TMEM131: variants seen among roughly 807,000 people sequenced by gnomAD.
The protein encoded by TMEM131 is 2610524E03Rik.
Under a neutral mutation model 211.6 loss-of-function variants are expected in TMEM131, and 66 were observed. The observed-to-expected ratio is 0.31, with a 90% CI of 0.26 to 0.38. TMEM131 has a LOEUF of 0.38. Among genes scored for constraint, TMEM131 ranks in the 10% least tolerant of loss-of-function variants. The pLI, the probability that TMEM131 is intolerant of heterozygous loss-of-function variation, is 1.00. For missense variants in TMEM131, 2,036 were observed against 2,299.3 expected, an observed-to-expected ratio of 0.89 and a Z score of 2.34; for synonymous variants, 844 against 841.3, an observed-to-expected ratio of 1.00 and a Z score of -0.06.
Position 97,796,892 on chromosome 2 carries a change from A to T in TMEM131, c.2965T>A (p.Ser989Thr). Reference protein sequence around the residue: ...VAGKLPGPGSSLRFKITEALL... With the variant: ...VAGKLPGPGSTLRFKITEALL... The stretch of plus-strand genomic sequence containing the variant: ...GCTTCCGTGATTTTAAAGCGTAAGG[A>T]GCTTCCTGGACCTGGAAGCTTGCCT... Residue 989 changes from serine to threonine, a missense_variant, in exon 27 of 41, where the codon TCC becomes ACC. Physicochemically the swap from Ser to Thr is moderately conservative, Grantham distance 58. Around this residue, in one of 3 missense-constraint regions of TMEM131, gnomAD observed 1,623 missense variants for 1,805.9 expected, o/e 0.90. Transcript: ENST00000186436. 6.2e-7 allele frequency: 1 copy of T among 1,613,984 alleles called. No individual in the cohort carries two copies. Among genetic ancestry groups the T allele is most frequent in the Non-Finnish European group, 8.5e-7 (1 of 1,179,868 alleles).
chr2:97,965,169 G>A (rs576595345), intron 1 of TMEM131, among the ~76,000 whole-genome samples: 2 of 152,242 alleles, frequency 1.3e-5, no homozygotes, highest in African/African-American at 4.8e-5. Context: ...TTCAGTCCCG[G>A]TAAGTTAAAG....
In TMEM131 at chr2:97,910,525, C is replaced by G. The variant is rs1430570603; in HGVS notation, c.250-1827G>C. Among the ~76,000 whole-genome samples the G allele has an allele frequency of 2.0e-5, 3 of 152,168 alleles. No individual in the cohort carries two copies. The East Asian group carries it at 5.8e-4, about 29-fold the overall frequency. ...ACAGATAAACAAAATGTGATTTATA[C>G]ATACAAGGGAATACGATCCAGTCTT... On this transcript the variant is annotated intron_variant, in intron 2 of 40. Coordinates refer to ENST00000186436, the MANE Select transcript of TMEM131 (RefSeq NM_015348.2).
At chr2:97,785,593 A>G (rs1680212527) in intron 31 of TMEM131, among the ~76,000 whole-genome samples, 1 of 152,232 alleles carries the variant, frequency 6.6e-6, no homozygotes, top group South Asian at 2.1e-4. Context: ...CAGTCATTAG[A>G]GAAAACGTTT....
chr2:97,814,078 G>A lies in TMEM131; in HGVS notation c.1510C>T (p.Leu504Phe), dbSNP rs776617835. Residue 504 changes from leucine to phenylalanine, a missense_variant, in exon 15 of 41, where the codon CTT becomes TTT. This residue lies in a region of TMEM131 where 1,623 missense variants were observed against 1,805.9 expected (regional missense o/e 0.90). Coordinates refer to ENST00000186436, the MANE Select transcript of TMEM131 (RefSeq NM_015348.2). Reference protein sequence around the residue: ...PNESGYIFTLLFMPSTSSMHI... With the variant: ...PNESGYIFTLFFMPSTSSMHI... ...ATGGATGATGTGGAAGGCATAAAAA[G>A]CAGGGTAAAAATGTATCCTGATTCA... is the stretch of plus-strand genomic sequence containing the variant. 3 of 1,604,208 alleles carry A rather than the reference G, an allele frequency of 1.9e-6. No homozygotes were observed. The African/African-American group carries it at 4.0e-5, about 21-fold the overall frequency.
chr2:97,981,727 C>A (rs1022203117), intron 1 of TMEM131, among the ~76,000 whole-genome samples: 1 of 152,086 alleles, frequency 6.6e-6, no homozygotes, highest in African/African-American at 2.4e-5. Context: ...CTCCATAGTT[C>A]TAGACAACCA....
In TMEM131 at chr2:97,881,965, T is replaced by C. The variant is rs572646352; in HGVS notation, c.359+6087A>G. Among the ~76,000 whole-genome samples, 11 of 152,322 alleles carry C rather than the reference T, an allele frequency of 7.2e-5. No homozygotes were observed. The East Asian group carries it at 1.9e-3, about 27-fold the overall frequency. On this transcript the variant is annotated intron_variant, in intron 4 of 40. Transcript: ENST00000186436. Reference sequence around the variant, plus strand: ...TTAAAAGAGGATCTATTCTAAAATATCTGTTTTCCTTTAGCAGTCACTTTC... The same window carrying C: ...TTAAAAGAGGATCTATTCTAAAATACCTGTTTTCCTTTAGCAGTCACTTTC...
intron 1 of TMEM131, among the ~76,000 whole-genome samples, chr2:97,987,676 G>A (rs915590079): frequency 6.6e-6 from 1 of 152,032 alleles, no homozygotes; most frequent in Non-Finnish European, 1.5e-5. Flanking sequence ...AACTATTAAT[G>A]ATACACTGAT....
intron 3 of TMEM131, among the ~76,000 whole-genome samples, chr2:97,895,462 C>A (rs1449753348): frequency 6.6e-6 from 1 of 152,078 alleles, no homozygotes; most frequent in Admixed American, 6.5e-5. Flanking sequence ...CCTCTTTGTA[C>A]CTCTGGTTGA....
Position 97,792,605 on chromosome 2 carries a change from G to A in TMEM131, c.3925C>T (p.Pro1309Ser), listed in dbSNP as rs749936989. The change falls in exon 31 of 41, where the codon CCA (proline) becomes TCA (serine). Residue 1309 changes from proline (P) to serine (S), a missense_variant. Coordinates refer to ENST00000186436, the MANE Select transcript of TMEM131 (RefSeq NM_015348.2). ...EQHPQPPLPP[P>S]VPQPQEPQPE... The stretch of plus-strand genomic sequence containing the variant: ...TGCGGCTCCTGGGGCTGAGGCACTG[G>A]CGGTGGCAGAGGAGGCTGAGGGTGC... The A allele has an allele frequency of 6.2e-7, 1 of 1,613,026 alleles. No homozygotes were observed. The highest frequency in any genetic ancestry group is 1.1e-5 in the South Asian group (1 of 90,964).
At position 97,834,692 on chromosome 2, in the gene TMEM131, A is replaced by C. The variant is rs1254796617; in HGVS notation, c.956-15T>G. The C allele has an allele frequency of 6.3e-7, 1 of 1,595,890 alleles. No individual in the cohort carries two copies. Among genetic ancestry groups the C allele is most frequent in the African/African-American group, 1.4e-5 (1 of 73,710 alleles). On this transcript the variant is annotated splice_polypyrimidine_tract_variant and intron_variant, in intron 9 of 40. Coordinates refer to ENST00000186436, the MANE Select transcript of TMEM131 (RefSeq NM_015348.2). The stretch of plus-strand genomic sequence containing the variant: ...AATTCCAGGAGCTTGGAAAAAAGAA[A>C]AGTCAACAATTATTTTTCACTTTGC...
intron 3 of TMEM131, among the ~76,000 whole-genome samples, chr2:97,893,514 T>C (rs1675472180): frequency 3.9e-5 from 6 of 152,240 alleles, no homozygotes; most frequent in Admixed American, 3.9e-4. Context: ...ACCAACAGCG[T>C]AAAAGCGTTC....
chr2:97,793,358 G>A (rs1397188739), intron 30 of TMEM131, 37 bp downstream of exon 30: 1 of 1,570,648 alleles, frequency 6.4e-7, no homozygotes, highest in Non-Finnish European at 8.7e-7. Context: ...CCAAATCTAT[G>A]TACACTAGGG....
chr2:97,797,512 T>C lies in TMEM131; in HGVS notation c.2723A>G (p.His908Arg). ...AAATCCTGTTGAACTCTGCAGTGGA[T>C]GAGCCTTGAATCATTGGGTAAACAG... ...LEFQVFRNSA[H>R]PLQSSTGFME... The change falls in exon 26 of 41, where the codon CAT becomes CGT. Residue 908 changes from histidine to arginine, a missense_variant. Physicochemically the swap from His to Arg is conservative, Grantham distance 29. Around this residue, in one of 3 missense-constraint regions of TMEM131, gnomAD observed 1,623 missense variants for 1,805.9 expected, o/e 0.90. Transcript: ENST00000186436. The C allele has an allele frequency of 6.2e-7, 1 of 1,610,128 alleles. No homozygotes were observed. Among genetic ancestry groups the C allele is most frequent in the South Asian group, 1.1e-5 (1 of 90,370 alleles).
At chr2:97,947,559 C>T (rs1360567184) in intron 1 of TMEM131, among the ~76,000 whole-genome samples, 2 of 151,886 alleles carry the variant, frequency 1.3e-5, no homozygotes, top group Non-Finnish European at 2.9e-5. Context: ...AATTAAAGAA[C>T]ACCTAAATAA....
At chr2:97,965,492 G>T (rs1679018392) in intron 1 of TMEM131, among the ~76,000 whole-genome samples, 2 of 152,126 alleles carry the variant, frequency 1.3e-5, no homozygotes, top group Non-Finnish European at 2.9e-5. Context: ...GTGGTGTGGG[G>T]CTGGTTTCTC....
At chr2:97,811,349 G>C (rs532080926) in intron 17 of TMEM131, 117 bp from the exon 18 acceptor site, 2 of 732,594 alleles carry the variant, frequency 2.7e-6, no homozygotes, top group African/African-American at 3.4e-5. Flanking sequence ...ATACCAGTAT[G>C]ACACTGAATT....
intron 8 of TMEM131, among the ~76,000 whole-genome samples, chr2:97,836,299 G>T (rs1289423082): frequency 6.6e-6 from 1 of 152,166 alleles, no homozygotes; most frequent in Non-Finnish European, 1.5e-5. Context: ...GAATCAAGAG[G>T]CTGTGTGTGT....
intron 6 of TMEM131, among the ~76,000 whole-genome samples, chr2:97,842,517 T>TAA (rs11390190): frequency 3.3e-4 from 49 of 150,530 alleles, no homozygotes; most frequent in African/African-American, 4.6e-4. Flanking sequence ...TAAAAAGATT[T>TAA]AAAAAAAAAA....
intron 2 of TMEM131, among the ~76,000 whole-genome samples, chr2:97,924,936 G>A (rs531180678): frequency 3.9e-5 from 6 of 152,184 alleles, no homozygotes; most frequent in Non-Finnish European, 8.8e-5. Flanking sequence ...CTGGAGTACA[G>A]TGGCACAATC....
Sources: allele counts gnomAD v4.1 joint callset (sites outside exome capture counted in the v4.1 genomes callset), GRCh38; gene constraint gnomAD v4.1.1; regional missense constraint gnomAD v4.1.1; transcripts MANE v1.5; gene names NCBI Gene and HGNC (gene_info 2026-07-23, HGNC 2026-07-21).